The following ARHGAP24 variants were observed in gnomAD, a reference collection of about 807,000 sequenced individuals.
ARHGAP24 encodes the protein rho GTPase-activating protein 24.
A neutral mutation model predicts 76.4 loss-of-function variants in ARHGAP24; 50 were observed. That is an observed-to-expected ratio of 0.65 (90% CI 0.52 to 0.83). The LOEUF is 0.83. ARHGAP24 is among the 40% of genes least tolerant of loss of function. ARHGAP24 has a pLI of 0.00. For synonymous variants in ARHGAP24, 345 were observed against 323.3 expected (o/e 1.07, Z -0.72); for missense variants, 930 against 914.2 (o/e 1.02, Z -0.22).
At chr4:85,678,487 A>G (rs1723075784) in intron 2 of ARHGAP24, among the ~76,000 whole-genome samples, 1 of 152,244 alleles carries the variant, frequency 6.6e-6, no homozygotes, top group Non-Finnish European at 1.5e-5. Context: ...TACTTTCAAA[A>G]AGAATTTAAA....
At chr4:85,654,194 T>C (rs1024116447) in intron 2 of ARHGAP24, among the ~76,000 whole-genome samples, 1 of 152,202 alleles carries the variant, frequency 6.6e-6, no homozygotes, top group African/African-American at 2.4e-5. Context: ...TGGGTTCCCC[T>C]GAGGCCTCTT....
rs1401907188 is a variant in ARHGAP24 at position 86,001,927 on chromosome 4, C to T, written c.*1205C>T. On this transcript the variant is annotated 3_prime_UTR_variant, in exon 10 of 10. Transcript: ENST00000395184. ...TTCTAATTTTGACAGTATCACTTTC[C>T]TGTTAAAACATACAATAATTTTAAA... 6.6e-6 allele frequency: 1 copy of T among 152,442 alleles called. No homozygotes were observed. The highest frequency in any genetic ancestry group is 2.4e-5 in the African/African-American group (1 of 41,468). The allele number at this position is 152,442 out of a possible 1,614,324, so 9.4% of individuals were successfully genotyped here.
At position 85,722,313 on chromosome 4, in the gene ARHGAP24, A is replaced by G. The variant is rs114538919; in HGVS notation, c.268+341A>G. 806 of 251,134 alleles carry G rather than the reference A, an allele frequency of 3.2e-3. 4 individuals carry two copies. Among genetic ancestry groups the G allele is most frequent in the African/African-American group, 0.017 (765 of 44,446 alleles). 15.6% of individuals were successfully genotyped at this position (251,134 alleles called of 1,614,324 possible). The stretch of plus-strand genomic sequence containing the variant: ...AAATTTGACAAGGGGTTATAGGTTG[A>G]ATGCTTTGCCCAGTGGAATCACTGA... On this transcript the variant is annotated intron_variant, in intron 3 of 9. Transcript: ENST00000395184.
intron 8 of ARHGAP24, among the ~76,000 whole-genome samples, chr4:85,994,152 G>A (rs1252169160): frequency 6.6e-6 from 1 of 152,050 alleles, no homozygotes; most frequent in Non-Finnish European, 1.5e-5. Context: ...TTAGATGAGA[G>A]GTCACAGTGA....
At position 85,927,975 on chromosome 4, in the gene ARHGAP24, T is replaced by C. The variant is rs191700087; in HGVS notation, c.391+4205T>C. On this transcript the variant is annotated intron_variant, in intron 4 of 9. Coordinates refer to ENST00000395184, the MANE Select transcript of ARHGAP24 (RefSeq NM_001025616.3). ...GTAAATAAAATGTAGGGTTTTGGAA[T>C]GATAGGCCTTTCCTTCAAATGAAAA... Among the ~76,000 whole-genome samples, 10 of 152,310 alleles carry C rather than the reference T, an allele frequency of 6.6e-5. No homozygotes were observed. In the East Asian group the frequency reaches 1.9e-3, roughly 29 times the overall value.
chr4:85,887,876 T>C (rs1054098604), intron 3 of ARHGAP24, among the ~76,000 whole-genome samples: 11 of 152,234 alleles, frequency 7.2e-5, no homozygotes, highest in Admixed American at 7.2e-4. Flanking sequence ...TGATTGGCTA[T>C]ATTTTATCAA....
At chr4:85,745,354 G>A (rs1220784342) in intron 3 of ARHGAP24, among the ~76,000 whole-genome samples, 1 of 147,694 alleles carries the variant, frequency 6.8e-6, no homozygotes, top group Non-Finnish European at 1.5e-5. Flanking sequence ...ATGTATTATA[G>A]AGTATATGTA....
chr4:85,739,272 G>A (rs979901249), intron 3 of ARHGAP24, among the ~76,000 whole-genome samples: 1 of 152,056 alleles, frequency 6.6e-6, no homozygotes, highest in Non-Finnish European at 1.5e-5. Context: ...CCATCTTCAG[G>A]TGGTCAATAT....
At chr4:85,666,820 A>T (rs1227040201) in intron 2 of ARHGAP24, among the ~76,000 whole-genome samples, 2 of 152,146 alleles carry the variant, frequency 1.3e-5, no homozygotes, top group African/African-American at 4.8e-5. Context: ...GATTTTCGTG[A>T]ACCGCGAATG....
chr4:85,828,722 G>A (rs748031719), intron 3 of ARHGAP24, among the ~76,000 whole-genome samples: 1 of 152,098 alleles, frequency 6.6e-6, no homozygotes, highest in African/African-American at 2.4e-5. Context: ...CTCACTATGA[G>A]TCTGTTACAA....
chr4:85,594,611 T>TA (rs1266382095), intron 2 of ARHGAP24, among the ~76,000 whole-genome samples: 1 of 151,828 alleles, frequency 6.6e-6, no homozygotes. Flanking sequence ...CTAATTAGTA[T>TA]AAAAAAAGGG....
intron 2 of ARHGAP24, among the ~76,000 whole-genome samples, chr4:85,702,436 A>C (rs1414601697): frequency 6.6e-6 from 1 of 152,204 alleles, no homozygotes; most frequent in African/African-American, 2.4e-5. Flanking sequence ...ACAAATATCA[A>C]CTTAATTAAT....
At chr4:85,591,049 T>G (rs1728083637) in intron 2 of ARHGAP24, among the ~76,000 whole-genome samples, 2 of 137,966 alleles carry the variant, frequency 1.4e-5, no homozygotes, top group African/African-American at 2.7e-5. Flanking sequence ...TTTTTTTTTT[T>G]TTTTTTTTTT....
At chr4:85,650,890 A>C (rs1244727659) in intron 2 of ARHGAP24, among the ~76,000 whole-genome samples, 2 of 149,682 alleles carry the variant, frequency 1.3e-5, no homozygotes, top group African/African-American at 5.1e-5. Flanking sequence ...TTCAAGTGCA[A>C]ATTGGGCATT....
chr4:85,547,498 C>T (rs1170174700), intron 1 of ARHGAP24, among the ~76,000 whole-genome samples: 6 of 151,792 alleles, frequency 4.0e-5, no homozygotes, highest in Non-Finnish European at 5.9e-5. Context: ...AGTAGTGGTG[C>T]GATCACAGGT....
At chr4:85,511,454 T>G (rs1724279634) in intron 1 of ARHGAP24, among the ~76,000 whole-genome samples, 1 of 151,850 alleles carries the variant, frequency 6.6e-6, no homozygotes, top group Admixed American at 6.6e-5. Context: ...TTTATTTTAT[T>G]ATTTTATTTT....
At chr4:85,510,934 C>A (rs1033887302) in intron 1 of ARHGAP24, among the ~76,000 whole-genome samples, 1 of 151,952 alleles carries the variant, frequency 6.6e-6, no homozygotes, top group East Asian at 1.9e-4. Context: ...TGCATAGTAA[C>A]GGTATATTAT....
At chr4:85,904,943 A>G (rs960494167) in intron 3 of ARHGAP24, among the ~76,000 whole-genome samples, 3 of 152,208 alleles carry the variant, frequency 2.0e-5, no homozygotes, top group South Asian at 2.1e-4. Context: ...GACTGGTATA[A>G]AAAACAAATT....
At chr4:85,851,738 G>A (rs759826129) in intron 3 of ARHGAP24, among the ~76,000 whole-genome samples, 1 of 152,146 alleles carries the variant, frequency 6.6e-6, no homozygotes, top group South Asian at 2.1e-4. Flanking sequence ...GAAATTCTGG[G>A]TTGTAAATTA....
Sources: gnomAD v4.1 joint callset for allele counts (sites outside exome capture counted in the v4.1 genomes callset) on GRCh38, gnomAD v4.1.1 for gene constraint, MANE v1.5 for transcripts, NCBI Gene and HGNC (gene_info 2026-07-23, HGNC 2026-07-21) for gene names.